The following SV2C variants were observed in gnomAD, a reference collection of about 807,000 sequenced individuals.
SV2C encodes the protein synaptic vesicle glycoprotein 2C, also known as solute carrier family 22 member B3.
In SV2C, 49 loss-of-function variants were observed where a neutral mutation model predicts 79.7. The observed-to-expected ratio is 0.61, with a 90% CI of 0.49 to 0.78. The LOEUF (loss-of-function observed/expected upper bound fraction) is 0.78, where lower values mean the gene tolerates loss of function less well. Among genes scored for constraint, SV2C ranks in the 30% least tolerant of loss-of-function variants. The pLI, the probability that SV2C is intolerant of heterozygous loss-of-function variation, is 0.00. For missense variants in SV2C, 833 were observed against 912.9 expected (o/e 0.91, Z 1.13); for synonymous variants, 334 against 333.2 (o/e 1.00, Z -0.03).
the SV2C span, among the ~76,000 whole-genome samples, chr5:76,037,277 G>A: frequency 1.9e-4 from 29 of 152,210 alleles, no homozygotes; most frequent in Admixed American, 5.9e-4. Context: ...GCTTTGTTCC[G>A]TTGCTGGTGA....
intron 4 of SV2C, among the ~76,000 whole-genome samples, chr5:76,278,057 T>C (rs1747075055): frequency 6.6e-6 from 1 of 152,202 alleles, no homozygotes; most frequent in African/African-American, 2.4e-5. Context: ...TTTGAAAAAG[T>C]GAATCAAGGT....
chr5:75,947,042 G>A, the SV2C span, among the ~76,000 whole-genome samples: 3 of 152,124 alleles, frequency 2.0e-5, no homozygotes, highest in Admixed American at 1.3e-4. Flanking sequence ...ACGTCTGAAA[G>A]TAGGGAGAGG....
chr5:75,918,484 G>A, the SV2C span, among the ~76,000 whole-genome samples: 3 of 152,322 alleles, frequency 2.0e-5, no homozygotes, highest in South Asian at 6.2e-4. Context: ...AGGCTCTAAG[G>A]GGGAAAAAGC....
At chr5:76,042,145 C>T in the SV2C span, among the ~76,000 whole-genome samples, 1 of 152,152 alleles carries the variant, frequency 6.6e-6, no homozygotes, top group South Asian at 2.1e-4. Context: ...CAAGTCAGTC[C>T]CTTGGGTCTG....
At chr5:76,257,258 AGTGTATGTGT>A (rs1746300601) in intron 4 of SV2C, among the ~76,000 whole-genome samples, 2 of 56,544 alleles carry the variant, frequency 3.5e-5, no homozygotes, top group South Asian at 9.0e-4. Context: ...GGGGGGCTGT[AGTGTATGTGT>A]GTGTGTGTGT....
At chr5:76,011,556 G>T in the SV2C span, among the ~76,000 whole-genome samples, 1 of 151,938 alleles carries the variant, frequency 6.6e-6, no homozygotes, top group East Asian at 1.9e-4. Context: ...TTATTATTCT[G>T]AAGTCAAATT....
the SV2C span, among the ~76,000 whole-genome samples, chr5:75,888,851 G>C: frequency 6.6e-6 from 1 of 151,954 alleles, no homozygotes; most frequent in Non-Finnish European, 1.5e-5. Context: ...TAGTTTGTTA[G>C]GGCTACCTTA....
intron 1 of SV2C, among the ~76,000 whole-genome samples, chr5:76,117,633 G>A (rs546454868): frequency 6.6e-6 from 1 of 152,070 alleles, no homozygotes; most frequent in Admixed American, 6.5e-5. Flanking sequence ...AAACTGAACA[G>A]ATACTAATAC....
the SV2C span, among the ~76,000 whole-genome samples, chr5:75,869,166 T>C: frequency 6.6e-6 from 1 of 151,814 alleles, no homozygotes; most frequent in Non-Finnish European, 1.5e-5. Flanking sequence ...TCTTGCACTT[T>C]AGGTACCCAC....
the SV2C span, among the ~76,000 whole-genome samples, chr5:75,877,628 C>G: frequency 2.7e-5 from 4 of 148,098 alleles, no homozygotes; most frequent in South Asian, 4.2e-4. Flanking sequence ...TTGAAAAACT[C>G]ACAAATAGGT....
chr5:76,212,836 T>G (rs1055136398), intron 4 of SV2C, among the ~76,000 whole-genome samples: 2 of 152,206 alleles, frequency 1.3e-5, no homozygotes, highest in African/African-American at 2.4e-5. Context: ...AGATTTTCTC[T>G]CCTGCCTTGT....
chr5:75,986,058 T>C, the SV2C span, among the ~76,000 whole-genome samples: 2 of 148,772 alleles, frequency 1.3e-5, no homozygotes, highest in African/African-American at 4.9e-5. Flanking sequence ...TTTGAAGAAA[T>C]AACTAATATT....
rs768196341 is a variant in SV2C, at chr5:76,300,740, T to C, written c.1648T>C (p.Tyr550His). Reference protein sequence around the residue: ...TVFDNTDFEPYKFIDSEFKNC... With the variant: ...TVFDNTDFEPHKFIDSEFKNC... ...TGTTGTTTCTACAGATTTTGAGCCA[T>C]ATAAATTCATTGACAGTGAATTTAA... The change falls in exon 11 of 13, where the codon TAT becomes CAT. Residue 550 changes from tyrosine to histidine, a missense_variant. By Grantham distance (83) the Tyr-to-His change is moderately conservative. Transcript: ENST00000502798. The C allele has an allele frequency of 1.1e-5, 18 of 1,613,970 alleles. No homozygotes were observed. In the South Asian group the frequency reaches 1.2e-4, roughly 11 times the overall value.
the SV2C span, among the ~76,000 whole-genome samples, chr5:75,896,461 CATT>C: frequency 0.22 from 32,373 of 148,842 alleles, 6,790 homozygotes; most frequent in African/African-American, 0.56. Flanking sequence ...TCCAGTCTAT[CATT>C]GTTGGACATT....
intron 4 of SV2C, among the ~76,000 whole-genome samples, chr5:76,262,921 G>T (rs1419480446): frequency 6.6e-6 from 1 of 152,178 alleles, no homozygotes; most frequent in Non-Finnish European, 1.5e-5. Flanking sequence ...ATTTGGGGTG[G>T]AGAGTTCTGT....
the SV2C span, chr5:75,911,049 C>G: frequency 8.6e-7 from 1 of 1,168,908 alleles, no homozygotes; most frequent in Non-Finnish European, 1.3e-6. Context: ...GAGAGTGAAT[C>G]TGTCGCAACA....
At chr5:75,927,675 A>AC in the SV2C span, among the ~76,000 whole-genome samples, 5 of 151,926 alleles carry the variant, frequency 3.3e-5, no homozygotes, top group African/African-American at 1.2e-4. Context: ...ATAACAACAA[A>AC]CCCCCCAAAC....
chr5:75,973,181 T>TGGGGGGG, the SV2C span, among the ~76,000 whole-genome samples: 1 of 147,944 alleles, frequency 6.8e-6, no homozygotes, highest in African/African-American at 2.5e-5. Context: ...GGTTGTGGGG[T>TGGGGGGG]GGGGAAGGGG....
At chr5:75,900,064 A>G in the SV2C span, among the ~76,000 whole-genome samples, 1 of 152,138 alleles carries the variant, frequency 6.6e-6, no homozygotes, top group East Asian at 1.9e-4. Flanking sequence ...TTCCATTTAC[A>G]TTTAAAGTTA....
Sources: allele counts gnomAD v4.1 joint callset (sites outside exome capture counted in the v4.1 genomes callset), GRCh38; gene constraint gnomAD v4.1.1; transcripts MANE v1.5; gene names NCBI Gene and HGNC (gene_info 2026-07-23, HGNC 2026-07-21).